The following LSAMP variants were observed in gnomAD, a reference collection of about 807,000 sequenced individuals.
LSAMP encodes limbic system associated membrane protein.
A neutral mutation model predicts 38.6 loss-of-function variants in LSAMP; 7 were observed. That is an observed-to-expected ratio of 0.18 (90% CI 0.10 to 0.34). The LOEUF is 0.34. Ranked by LOEUF, LSAMP falls within the 10% of genes least tolerant of loss-of-function variation. The pLI, the probability that LSAMP is intolerant of heterozygous loss-of-function variation, is 1.00. For synonymous variants in LSAMP, 154 were observed against 166.8 expected, an observed-to-expected ratio of 0.92 and a Z score of 0.59; for missense variants, 313 against 420.0, an observed-to-expected ratio of 0.75 and a Z score of 2.23.
intron 2 of LSAMP, among the ~76,000 whole-genome samples, chr3:116,072,272 G>T (rs982438636): frequency 6.6e-6 from 1 of 152,060 alleles, no homozygotes; most frequent in South Asian, 2.1e-4. Flanking sequence ...ACCGCGCCCC[G>T]CCAGCATATT....
rs1362388838 is a variant in LSAMP, at chr3:115,802,602, TAAAC to T, written c.*7711_*7714del. On this transcript the variant is annotated 3_prime_UTR_variant, in exon 7 of 7. Coordinates refer to ENST00000490035, the MANE Select transcript of LSAMP (RefSeq NM_002338.5). ...TACCCAGGGAAAAAAATCCACCTAA[TAAAC>T]AAAAATGAAAAACCTTGAAAAACAA... 2.0e-5 allele frequency: 3 copies of T among 150,400 alleles called. No individual in the cohort carries two copies. Among genetic ancestry groups the T allele is most frequent in the Admixed American group, 6.6e-5 (1 of 15,120 alleles). 9.3% of individuals were successfully genotyped at this position (150,400 alleles called of 1,614,324 possible).
At chr3:116,435,858 C>A (rs1000343678) in intron 1 of LSAMP, among the ~76,000 whole-genome samples, 15 of 152,096 alleles carry the variant, frequency 9.9e-5, no homozygotes, top group African/African-American at 3.6e-4. Context: ...GAAACTTAAC[C>A]AGGCAGAAGT....
chr3:116,025,203 GTGTGATTTATTA>G (rs1940756933), intron 2 of LSAMP, among the ~76,000 whole-genome samples: 1 of 151,936 alleles, frequency 6.6e-6, no homozygotes, highest in Non-Finnish European at 1.5e-5. Flanking sequence ...CAGAATATTA[GTGTGATTTATTA>G]TATTTTCCTA....
At chr3:116,356,290 T>A (rs1218963295) in intron 1 of LSAMP, among the ~76,000 whole-genome samples, 6 of 152,144 alleles carry the variant, frequency 3.9e-5, no homozygotes, top group Non-Finnish European at 7.4e-5. Context: ...TGGATGGAAC[T>A]GAAAGACATT....
chr3:116,200,791 A>C (rs1252297660), intron 1 of LSAMP, among the ~76,000 whole-genome samples: 1 of 152,192 alleles, frequency 6.6e-6, no homozygotes, highest in Non-Finnish European at 1.5e-5. Flanking sequence ...AAAGCAAGAG[A>C]AAATAGCAGC....
intron 1 of LSAMP, among the ~76,000 whole-genome samples, chr3:116,313,583 A>G (rs1226613792): frequency 6.6e-6 from 1 of 152,226 alleles, no homozygotes; most frequent in Admixed American, 6.5e-5. Flanking sequence ...CATGTGCCTT[A>G]GAAAGGTCAA....
At chr3:116,088,043 G>A (rs1708032027) in intron 1 of LSAMP, among the ~76,000 whole-genome samples, 1 of 151,532 alleles carries the variant, frequency 6.6e-6, no homozygotes, top group South Asian at 2.1e-4. Flanking sequence ...ATAGGTGCAT[G>A]CCACCAGGAC....
intron 3 of LSAMP, among the ~76,000 whole-genome samples, chr3:115,909,507 A>G (rs1277917845): frequency 1.3e-5 from 2 of 152,188 alleles, no homozygotes; most frequent in Non-Finnish European, 2.9e-5. Context: ...TTCAGCAGCA[A>G]TGTAAGAATC....
In LSAMP at chr3:116,227,924, T is replaced by C. The variant is rs1576446623; in HGVS notation, c.156-141368A>G. ...GATAAAACATTCTACACTTGTCTAATTAATATTAACCATATACAGGGCCGT... is the reference window on the plus strand; with the variant it reads ...GATAAAACATTCTACACTTGTCTAACTAATATTAACCATATACAGGGCCGT... On this transcript the variant is annotated intron_variant, in intron 1 of 6. Coordinates refer to ENST00000490035, the MANE Select transcript of LSAMP (RefSeq NM_002338.5). 2.6e-5 allele frequency among the ~76,000 whole-genome samples: 4 copies of C among 152,270 alleles called. No individual in the cohort carries two copies. In the Middle Eastern group the frequency reaches 0.01, roughly 388 times the overall value.
chr3:116,284,572 C>A (rs920767921), intron 1 of LSAMP, among the ~76,000 whole-genome samples: 3 of 152,336 alleles, frequency 2.0e-5, no homozygotes, highest in Admixed American at 2.0e-4. Context: ...TATCTTCTTT[C>A]TTCCCACCAG....
chr3:116,223,928 G>A (rs1319004874), intron 1 of LSAMP, among the ~76,000 whole-genome samples: 1 of 152,010 alleles, frequency 6.6e-6, no homozygotes, highest in Admixed American at 6.6e-5. Context: ...TCCTCCAGGG[G>A]AATATTTTAA....
chr3:116,240,341 G>A (rs1004729719), intron 1 of LSAMP, among the ~76,000 whole-genome samples: 2 of 152,040 alleles, frequency 1.3e-5, no homozygotes, highest in South Asian at 2.1e-4. Context: ...GCAGCTTTGT[G>A]GTTACAAAAA....
rs375018200 is a variant in LSAMP, at chr3:116,027,505, A to G, written c.389-7865T>C. The stretch of plus-strand genomic sequence containing the variant: ...ACATCAGACTAGCCAGTCAATTTCT[A>G]TTGCTTAAATCAAAGAATCCTAATT... On this transcript the variant is annotated intron_variant, in intron 2 of 6. Transcript: ENST00000490035. 1.6e-4 allele frequency among the ~76,000 whole-genome samples: 24 copies of G among 152,270 alleles called. No homozygotes were observed. In the South Asian group the frequency reaches 4.8e-3, roughly 30 times the overall value.
chr3:116,359,510 T>G (rs2048273479), intron 1 of LSAMP, among the ~76,000 whole-genome samples: 1 of 152,226 alleles, frequency 6.6e-6, no homozygotes. Context: ...AAGTAGCTTT[T>G]TAGGAAACTT....
At chr3:116,190,402 A>T (rs1172851666) in intron 1 of LSAMP, among the ~76,000 whole-genome samples, 1 of 152,160 alleles carries the variant, frequency 6.6e-6, no homozygotes, top group Admixed American at 6.5e-5. Context: ...AGAAGGACTT[A>T]CGAAGCCCTG....
At chr3:115,883,645 T>C (rs2724466) in intron 3 of LSAMP, among the ~76,000 whole-genome samples, 96,621 of 151,802 alleles carry the variant, frequency 0.64, 30,836 homozygotes, top group Middle Eastern at 0.76. Flanking sequence ...CAAGCAACCA[T>C]TGAATCCACA....
rs993765080 is a variant in LSAMP, at chr3:116,406,300, T to C, written c.155+38577A>G. On this transcript the variant is annotated intron_variant, in intron 1 of 6. Transcript: ENST00000490035. ...ATCCAAACACCCAGCTCTTTCTATG[T>C]CTTGGAAATCATACCATAGATATAG... is the stretch of plus-strand genomic sequence containing the variant. Among the ~76,000 whole-genome samples, 8 of 152,084 alleles carry C rather than the reference T, an allele frequency of 5.3e-5. No individual in the cohort carries two copies. In the South Asian group the frequency reaches 1.5e-3, roughly 28 times the overall value.
chr3:116,316,778 G>GAAAA (rs35294836), intron 1 of LSAMP, among the ~76,000 whole-genome samples: 2 of 119,050 alleles, frequency 1.7e-5, no homozygotes, highest in Non-Finnish European at 3.4e-5. Context: ...CTCAAAAAAA[G>GAAAA]AAAAAAAAAA....
intron 2 of LSAMP, among the ~76,000 whole-genome samples, chr3:116,067,574 C>T (rs1205893328): frequency 6.6e-6 from 1 of 152,242 alleles, no homozygotes; most frequent in Non-Finnish European, 1.5e-5. Flanking sequence ...CACTGGTGAA[C>T]TGGCAAATAC....
Sources: allele counts gnomAD v4.1 joint callset (sites outside exome capture counted in the v4.1 genomes callset), GRCh38; gene constraint gnomAD v4.1.1; transcripts MANE v1.5; gene names NCBI Gene and HGNC (gene_info 2026-07-23, HGNC 2026-07-21).